Variants in SYNE2 observed in about 807,000 individuals in gnomAD.
SYNE2 encodes the protein nesprin-2.
In SYNE2, 431 loss-of-function variants were observed where a neutral mutation model predicts 856.3. That is an observed-to-expected ratio of 0.50 (90% CI 0.47 to 0.55). The LOEUF (loss-of-function observed/expected upper bound fraction) is 0.55. Among genes scored for constraint, SYNE2 ranks in the 20% least tolerant of loss-of-function variants. SYNE2 has a pLI of 0.00. For synonymous variants in SYNE2, 2,923 were observed against 2,872.3 expected (o/e 1.02, Z -0.56); for missense variants, 8,129 against 8,023.2 (o/e 1.01, Z -0.50).
chr14:64,142,224 G>A, intron 82 of SYNE2, 136 bp downstream of exon 82: 1 of 1,017,932 alleles, frequency 9.8e-7, no homozygotes, highest in South Asian at 1.4e-5. Flanking sequence ...GGTGGTGGAT[G>A]ATTCTGGAGA....
chr14:64,186,493 A>C lies in SYNE2; in HGVS notation c.17626A>C (p.Thr5876Pro), dbSNP rs1288213972. The change falls in exon 97 of 116, where the codon ACC (threonine) becomes CCC (proline). Residue 5876 changes from threonine (T) to proline (P), a missense_variant. Physicochemically the swap from Thr to Pro is conservative, Grantham distance 38 (BLOSUM62 -1). Transcript: ENST00000555002. ...KELQTMKADL[T>P]RHVLVEDVMV... Reference sequence around the variant, plus strand: ...ACTTCAAACTATGAAGGCGGACTTAACCCGGCACGTTCTCGTGGAAGATGT... The same window carrying C: ...ACTTCAAACTATGAAGGCGGACTTACCCCGGCACGTTCTCGTGGAAGATGT... 1.9e-6 allele frequency: 3 copies of C among 1,614,090 alleles called. No homozygotes were observed. In the African/African-American group the frequency reaches 4.0e-5, roughly 22 times the overall value.
intron 76 of SYNE2, among the ~76,000 whole-genome samples, chr14:64,131,012 C>A (rs2098014166): frequency 6.6e-6 from 1 of 152,066 alleles, no homozygotes; most frequent in Non-Finnish European, 1.5e-5. Context: ...ACAAAAACTT[C>A]TTGATCACCA....
intron 45 of SYNE2, among the ~76,000 whole-genome samples, chr14:64,038,182 G>A (rs1276352392): frequency 1.3e-5 from 2 of 151,918 alleles, no homozygotes; most frequent in African/African-American, 4.8e-5. Flanking sequence ...GGGCAGAGAC[G>A]CTCCCCACAT....
intron 85 of SYNE2, among the ~76,000 whole-genome samples, chr14:64,158,180 A>T (rs1424708367): frequency 6.6e-6 from 1 of 152,182 alleles, no homozygotes; most frequent in Non-Finnish European, 1.5e-5. Context: ...TTACATTTAT[A>T]ATGTTGTGCT....
At position 64,002,068 on chromosome 14, in the gene SYNE2, A is replaced by G. The variant is rs370541277; in HGVS notation, c.3773A>G (p.Tyr1258Cys). 1.0e-4 allele frequency: 162 copies of G among 1,612,356 alleles called. No individual in the cohort carries two copies. In the African/African-American group the frequency reaches 1.9e-3, roughly 19 times the overall value. Residue 1258 changes from tyrosine (Y) to cysteine (C), a missense_variant, in exon 29 of 116, where the codon TAT becomes TGT. Around this residue, in one of 3 missense-constraint regions of SYNE2, gnomAD observed 2,422 missense variants for 2,357.4 expected, o/e 1.03. Transcript: ENST00000555002. ...CATCTCATTGATGCTGATCGCATCT[A>G]TCAACACCTAAGGGTAAGTATATAA... ...GFHLIDADRI[Y>C]QHLRNIQDSI...
chr14:63,922,848 T>C (rs1236797421), intron 2 of SYNE2, among the ~76,000 whole-genome samples: 1 of 152,188 alleles, frequency 6.6e-6, no homozygotes, highest in Non-Finnish European at 1.5e-5. Flanking sequence ...AAACCTGCAC[T>C]TAAACAATAA....
At chr14:64,080,761 G>A (rs2097514920) in intron 56 of SYNE2, 123 bp downstream of exon 56, 2 of 1,192,046 alleles carry the variant, frequency 1.7e-6, no homozygotes, top group Non-Finnish European at 2.4e-6. Flanking sequence ...TTGAAGCTGG[G>A]GCCATGGTAG....
In SYNE2 at chr14:64,143,850, G is replaced by A. The variant is rs931728993; in HGVS notation, c.15385G>A (p.Asp5129Asn). Residue 5129 changes from aspartate (D) to asparagine (N), a missense_variant, in exon 83 of 116, where the codon GAT becomes AAT. Physicochemically the swap from Asp to Asn is conservative, Grantham distance 23. Around this residue, in one of 3 missense-constraint regions of SYNE2, gnomAD observed 5,410 missense variants for 5,284.8 expected, o/e 1.02. Coordinates refer to ENST00000555002, the MANE Select transcript of SYNE2 (RefSeq NM_182914.3). The part of the protein sequence containing the change: ...NQSLLQLSTC[D>N]VESKRYERTE... ...GTCATTACTTCAGCTAAGCACCTGT[G>A]ATGTAGAAAGCAAGCGCTATGAAAG... 2 of 1,614,108 alleles carry A rather than the reference G, an allele frequency of 1.2e-6. No individual in the cohort carries two copies. The highest frequency in any genetic ancestry group is 1.3e-5 in the African/African-American group (1 of 74,932).
chr14:64,141,812 G>A, intron 81 of SYNE2, 130 bp from the exon 82 acceptor site: 1 of 1,023,366 alleles, frequency 9.8e-7, no homozygotes, highest in Admixed American at 2.8e-5. Flanking sequence ...TGCTGGGTTT[G>A]TTTTTTTTTT....
chr14:64,206,819 GTTA>G (rs1358466107), intron 100 of SYNE2, among the ~76,000 whole-genome samples: 1 of 141,802 alleles, frequency 7.1e-6, no homozygotes, highest in African/African-American at 2.8e-5. Context: ...GCATTTTTCA[GTTA>G]TTAATGATTA....
At chr14:63,848,449 C>A (rs1406732242), upstream of SYNE2, 1 of 152,146 alleles carries the variant, frequency 6.6e-6, no homozygotes, top group Admixed American at 6.5e-5. Context: ...CTTAGCCTGA[C>A]AGAGAAATGT....
At position 64,221,603 on chromosome 14, in the gene SYNE2, C is replaced by A. The variant is rs2098694343; in HGVS notation, c.20089C>A (p.Leu6697Met). 2 of 1,614,176 alleles carry A rather than the reference C, an allele frequency of 1.2e-6. No homozygotes were observed. The highest frequency in any genetic ancestry group is 1.7e-6 in the Non-Finnish European group (2 of 1,180,034). ...CTTCCACCAGTTGAGTCAAAATCTG[C>A]TGCTGTGGTTAGCGAGTGCCAAGAA... The part of the protein sequence containing the change: ...QDFHQLSQNL[L>M]LWLASAKNRR... Residue 6697 changes from leucine (L) to methionine (M), a missense_variant, in exon 112 of 116, where the codon CTG becomes ATG. Leu to Met is a conservative substitution (Grantham distance 15). Around this residue, in one of 3 missense-constraint regions of SYNE2, gnomAD observed 5,410 missense variants for 5,284.8 expected, o/e 1.02. Coordinates refer to ENST00000555002, the MANE Select transcript of SYNE2 (RefSeq NM_182914.3).
intron 43 of SYNE2, among the ~76,000 whole-genome samples, chr14:64,029,347 T>A (rs2097012302): frequency 1.3e-5 from 2 of 152,198 alleles, no homozygotes; most frequent in African/African-American, 4.8e-5. Flanking sequence ...TAGTTGCTGC[T>A]TTTTGATCAG....
In SYNE2 at chr14:63,919,972, G is replaced by GTTTTTTTTTTTTTT. The variant is rs10673123; in HGVS notation, c.79+10751_79+10764dup. On this transcript the variant is annotated intron_variant, in intron 2 of 115. Transcript: ENST00000555002. Reference sequence around the variant, plus strand: ...ATATCAGGCACATGATAAAAGGTAAGTTTTTTTTTTTTTTTTTTTAAGGTA... The same window carrying GTTTTTTTTTTTTTT: ...ATATCAGGCACATGATAAAAGGTAAGTTTTTTTTTTTTTTTTTTTTTTTTTTTTTTTTTAAGGTA... 4.4e-3 allele frequency among the ~76,000 whole-genome samples: 487 copies of GTTTTTTTTTTTTTT among 110,500 alleles called. 23 individuals carry two copies. Among genetic ancestry groups the GTTTTTTTTTTTTTT allele is most frequent in the African/African-American group, 0.013 (341 of 26,086 alleles). 72.5% of individuals were successfully genotyped at this position (110,500 alleles called of 152,430 possible).
At chr14:63,844,766 C>A (rs1204745781) in intron 1 of SYNE2, among the ~76,000 whole-genome samples, 2 of 152,056 alleles carry the variant, frequency 1.3e-5, no homozygotes, top group Admixed American at 6.6e-5. Context: ...TGGTCCAAGC[C>A]GGGTGTGGTG....
intron 2 of SYNE2, among the ~76,000 whole-genome samples, chr14:63,913,762 A>C (rs2095501774): frequency 6.8e-6 from 1 of 148,012 alleles, no homozygotes; most frequent in Admixed American, 6.8e-5. Context: ...ACACCTGGCC[A>C]GCAGTCCATA....
intron 99 of SYNE2, among the ~76,000 whole-genome samples, chr14:64,200,307 G>A (rs1336460938): frequency 6.6e-6 from 1 of 152,146 alleles, no homozygotes; most frequent in East Asian, 1.9e-4. Flanking sequence ...AAGTGGGGAG[G>A]GCAGGAGAGC....
chr14:63,957,074 C>T (rs1397395575), intron 8 of SYNE2, among the ~76,000 whole-genome samples: 2 of 151,508 alleles, frequency 1.3e-5, no homozygotes, highest in Non-Finnish European at 2.9e-5. Flanking sequence ...AGCAAAATGT[C>T]TGCAAGGTCA....
At chr14:63,948,192 C>T (rs949805889) in intron 6 of SYNE2, among the ~76,000 whole-genome samples, 8 of 151,900 alleles carry the variant, frequency 5.3e-5, no homozygotes, top group Non-Finnish European at 1.2e-4. Context: ...CACACACACA[C>T]ACACACTCCT....
Sources: gnomAD v4.1 joint callset for allele counts (sites outside exome capture counted in the v4.1 genomes callset) on GRCh38, gnomAD v4.1.1 for gene constraint, gnomAD v4.1.1 regional missense constraint, MANE v1.5 for transcripts, NCBI Gene and HGNC (gene_info 2026-07-23, HGNC 2026-07-21) for gene names.